Variants in DNMT3A observed in about 807,000 individuals in gnomAD.
DNMT3A encodes DNA methyltransferase 3 alpha.
Under a neutral mutation model 117.6 loss-of-function variants are expected in DNMT3A, and 267 were observed. The ratio of observed to expected loss-of-function variants is 2.27; its 90% CI spans 2.05 to 2.51. The LOEUF (loss-of-function observed/expected upper bound fraction) is 2.51, where lower values mean the gene tolerates loss of function less well. DNMT3A is among the 30% of genes most tolerant of loss of function. The probability of loss-of-function intolerance (pLI) is 0.00; values close to 1 mark genes in which losing one functional copy is unlikely to be tolerated. For missense variants in DNMT3A, 1,029 were observed against 1,260.2 expected (o/e 0.82, Z 2.78); for synonymous variants, 432 against 474.8 (o/e 0.91, Z 1.17).
intron 1 of DNMT3A, chr2:25,328,868 G>A (rs2034897832): frequency 2.7e-6 from 1 of 377,168 alleles, no homozygotes; most frequent in Admixed American, 3.1e-5. Context: ...GTTGGTGAGG[G>A]CCTAGGCTAT....
intron 3 of DNMT3A, among the ~76,000 whole-genome samples, chr2:25,283,360 C>CAAA (rs56884375): frequency 1.7e-4 from 11 of 66,288 alleles, no homozygotes; most frequent in Non-Finnish European, 2.1e-4. Context: ...GACTCCGCCT[C>CAAA]AAAAAAAAAA....
At position 25,252,837 on chromosome 2, in the gene DNMT3A, A is replaced by G. The variant is rs913072124; in HGVS notation, c.640-4585T>C. On this transcript the variant is annotated intron_variant, in intron 6 of 22. Transcript: ENST00000321117. This position sits in a 1 kb window ranked among gnomAD's most constrained non-coding sequence, Gnocchi z 5.5. ...AGCTGTAGGAAAACTCAGCACACAG[A>G]CGGAGAGTGACAGCAGGCGCGCGCA... 6.6e-6 allele frequency among the ~76,000 whole-genome samples: 1 copy of G among 151,332 alleles called. No homozygotes were observed. The highest frequency in any genetic ancestry group is 1.5e-5 in the Non-Finnish European group (1 of 67,924).
intron 2 of DNMT3A, among the ~76,000 whole-genome samples, chr2:25,301,140 G>A (rs1436835459): frequency 2.0e-5 from 3 of 151,518 alleles, no homozygotes; most frequent in Admixed American, 1.3e-4. Context: ...ATGGTGGCAC[G>A]CGCCTGTAGT....
Position 25,233,109 on chromosome 2 carries a change from G to C in DNMT3A, c.*1170C>G, listed in dbSNP as rs980576116. 2 of 233,762 alleles carry C rather than the reference G, an allele frequency of 8.6e-6. No homozygotes were observed. Among genetic ancestry groups the C allele is most frequent in the East Asian group, 1.2e-4 (2 of 16,728 alleles). 14.5% of individuals were successfully genotyped at this position (233,762 alleles called of 1,614,324 possible). A position where few individuals can be genotyped will look rare whatever the true frequency, so the allele number is the denominator to read the frequency against. On this transcript the variant is annotated 3_prime_UTR_variant, in exon 23 of 23. Transcript: ENST00000321117. ...GTGAGAAACTGGGCCTGAAGACTCC[G>C]TACCCTCTGCCATCTTGCCGAGGGA...
upstream of DNMT3A, among the ~76,000 whole-genome samples, chr2:25,342,181 G>C (rs1237912421): frequency 6.9e-6 from 1 of 145,618 alleles, no homozygotes; most frequent in Non-Finnish European, 1.5e-5. This position sits in a 1 kb window ranked among gnomAD's most constrained non-coding sequence, Gnocchi z 5.9. Context: ...GGGGCCCCGG[G>C]GCGCCGCGGC....
chr2:25,240,785 G>T, intron 17 of DNMT3A, 55 bp from the exon 18 acceptor site: 1 of 1,546,400 alleles, frequency 6.5e-7, no homozygotes, highest in Admixed American at 1.7e-5. Context: ...GAGGCAGACA[G>T]GAAGAAAGAG....
intron 1 of DNMT3A, among the ~76,000 whole-genome samples, chr2:25,315,772 A>G (rs1037554025): frequency 1.3e-5 from 2 of 152,154 alleles, no homozygotes; most frequent in African/African-American, 4.8e-5. Flanking sequence ...GAAGATCCCA[A>G]AAGAGAACTG....
chr2:25,324,345 G>A (rs920560356), intron 1 of DNMT3A, among the ~76,000 whole-genome samples: 4 of 152,216 alleles, frequency 2.6e-5, no homozygotes, highest in Admixed American at 2.0e-4. Context: ...TACCTCTCTA[G>A]GGTAGCACAG....
rs199719247 is a variant in DNMT3A at position 25,306,499 on chromosome 2, T to TC, written c.73-6257dup. Among the ~76,000 whole-genome samples, 10 of 152,122 alleles carry TC rather than the reference T, an allele frequency of 6.6e-5. No individual in the cohort carries two copies. In the East Asian group the frequency reaches 1.7e-3, roughly 27 times the overall value. ...GCCGTGTCTCATTGGCGCCTCTGAGTCCCCCACAGCTCCTGGGTACTTGCA... is the reference window on the plus strand; with the variant it reads ...GCCGTGTCTCATTGGCGCCTCTGAGTCCCCCCACAGCTCCTGGGTACTTGCA... On this transcript the variant is annotated intron_variant, in intron 2 of 22. Transcript: ENST00000321117. This position sits in a 1 kb window ranked among gnomAD's most constrained non-coding sequence, Gnocchi z 4.1.
chr2:25,308,966 C>T (rs2149420433), intron 2 of DNMT3A, among the ~76,000 whole-genome samples: 1 of 131,794 alleles, frequency 7.6e-6, no homozygotes, highest in Non-Finnish European at 1.6e-5. Context: ...CCCACAGATG[C>T]ATACACACAC....
rs900795221 is a variant in DNMT3A at position 25,298,077 on chromosome 2, G to C, written c.177+2062C>G. Among the ~76,000 whole-genome samples, 14 of 152,212 alleles carry C rather than the reference G, an allele frequency of 9.2e-5. No homozygotes were observed. The highest frequency in any genetic ancestry group is 3.4e-4 in the African/African-American group (14 of 41,460). ...GGCTCCTTGGTGCTTGCACCATTTC[G>C]TTCTCACAGGGGCAAGGAGAAATGC... is the stretch of plus-strand genomic sequence containing the variant. On this transcript the variant is annotated intron_variant, in intron 3 of 22. Coordinates refer to ENST00000321117, the MANE Select transcript of DNMT3A (RefSeq NM_022552.5). The surrounding 1 kb of genome is among the most constrained non-coding windows in gnomAD (Gnocchi z 4.3).
chr2:25,252,303 TGGGGGCGGAGGGGGCCACTGGGAGGGGAG>T lies in DNMT3A; in HGVS notation c.640-4080_640-4052del. On this transcript the variant is annotated intron_variant, in intron 6 of 22. Transcript: ENST00000321117. This position sits in a 1 kb window ranked among gnomAD's most constrained non-coding sequence, Gnocchi z 5.5. The stretch of plus-strand genomic sequence containing the variant: ...GGGGAGGGGAAGGGGGCGATGGGGC[TGGGGGCGGAGGGGGCCACTGGGAGGGGAG>T]GGGGGCGGCGGGGGGGAGGGAGGGA... The T allele has an allele frequency of 3.2e-5, 1 of 31,170 alleles. No individual in the cohort carries two copies. The highest frequency in any genetic ancestry group is 5.7e-5 in the Non-Finnish European group (1 of 17,480). 1.9% of individuals were successfully genotyped at this position (31,170 alleles called of 1,614,324 possible). A position where few individuals can be genotyped will look rare whatever the true frequency, so the allele number is the denominator to read the frequency against.
chr2:25,241,009 G>A (rs374549739), intron 17 of DNMT3A, among the ~76,000 whole-genome samples: 1 of 152,334 alleles, frequency 6.6e-6, no homozygotes, highest in East Asian at 1.9e-4. Flanking sequence ...GGACGGCTGA[G>A]TCTGAAGGTA....
chr2:25,315,434 C>A (rs2034331900), intron 1 of DNMT3A, among the ~76,000 whole-genome samples: 1 of 152,182 alleles, frequency 6.6e-6, no homozygotes, highest in African/African-American at 2.4e-5. Context: ...AGCGGACCTG[C>A]CCCACAGCTG....
chr2:25,308,997 A>ACACACACACG (rs1553430162), intron 2 of DNMT3A, among the ~76,000 whole-genome samples: 2 of 151,968 alleles, frequency 1.3e-5, no homozygotes, highest in East Asian at 1.9e-4. Context: ...ACACACACAC[A>ACACACACACG]CACGCACGCA....
chr2:25,335,033 T>A (rs1415021882), intron 1 of DNMT3A, among the ~76,000 whole-genome samples: 1 of 152,272 alleles, frequency 6.6e-6, no homozygotes, highest in Non-Finnish European at 1.5e-5. Context: ...GACAGGTTTG[T>A]GTGTATCTTT....
At chr2:25,302,699 A>G (rs2033586604) in intron 2 of DNMT3A, among the ~76,000 whole-genome samples, 1 of 152,198 alleles carries the variant, frequency 6.6e-6, no homozygotes, top group Non-Finnish European at 1.5e-5. Context: ...CGAGTGTAAG[A>G]AAGGATCACA....
At position 25,234,261 on chromosome 2, in the gene DNMT3A, A is replaced by AG; in HGVS notation, c.*17dup. On this transcript the variant is annotated 3_prime_UTR_variant, in exon 23 of 23. Coordinates refer to ENST00000321117, the MANE Select transcript of DNMT3A (RefSeq NM_022552.5). This position sits in a 1 kb window ranked among gnomAD's most constrained non-coding sequence, Gnocchi z 4.5. Reference sequence around the variant, plus strand: ...TTGTTTAACTTTGTGTCGCTACCTCAGTTTGCCCCCATGTCCCTTACACAC... The same window carrying AG: ...TTGTTTAACTTTGTGTCGCTACCTCAGGTTTGCCCCCATGTCCCTTACACAC... 6.3e-7 allele frequency: 1 copy of AG among 1,596,054 alleles called. No individual in the cohort carries two copies. The highest frequency in any genetic ancestry group is 8.6e-7 in the Non-Finnish European group (1 of 1,169,036).
rs1417961680 is a variant in DNMT3A at position 25,300,188 on chromosome 2, G to C, written c.128C>G (p.Thr43Ser). 6.2e-7 allele frequency: 1 copy of C among 1,612,818 alleles called. No homozygotes were observed. The highest frequency in any genetic ancestry group is 1.7e-5 in the Admixed American group (1 of 60,016). The change falls in exon 3 of 23, where the codon ACC becomes AGC. Residue 43 changes from threonine to serine, a missense_variant. Physicochemically the swap from Thr to Ser is moderately conservative, Grantham distance 58 (BLOSUM62 1). Transcript: ENST00000321117. ...AGGCCGCCCCACCTTCCGTGCCGTG[G>C]TGCTGGGCTCTTGGCGCTCCTCCTT... ...RGKEERQEPS[T>S]TARKVGRPGR...
Sources: gnomAD v4.1 joint callset for allele counts (sites outside exome capture counted in the v4.1 genomes callset) on GRCh38, gnomAD v4.1.1 for gene constraint, Gnocchi (gnomAD v3.1) non-coding constraint, MANE v1.5 for transcripts, NCBI Gene and HGNC (gene_info 2026-07-23, HGNC 2026-07-21) for gene names.